The following SV2C variants were observed in gnomAD, a reference collection of about 807,000 sequenced individuals.
SV2C encodes synaptic vesicle glycoprotein 2C.
Under a neutral mutation model 79.7 loss-of-function variants are expected in SV2C, and 49 were observed. The ratio of observed to expected loss-of-function variants is 0.61; its 90% CI spans 0.49 to 0.78. The LOEUF (loss-of-function observed/expected upper bound fraction) is 0.78. SV2C is among the 30% of genes least tolerant of loss of function. The pLI is 0.00. For synonymous variants in SV2C, 334 were observed against 333.2 expected (o/e 1.00, Z -0.03); for missense variants, 833 against 912.9 (o/e 0.91, Z 1.13).
At chr5:76,026,201 A>AAAACACACACAC in the SV2C span, among the ~76,000 whole-genome samples, 1 of 140,034 alleles carries the variant, frequency 7.1e-6, no homozygotes, top group African/African-American at 2.7e-5. Flanking sequence ...CAAATTTACA[A>AAAACACACACAC]ACACACACAC....
the SV2C span, among the ~76,000 whole-genome samples, chr5:75,940,828 T>C: frequency 5.3e-5 from 8 of 152,188 alleles, no homozygotes; most frequent in African/African-American, 1.9e-4. Context: ...ATAAATGAAG[T>C]AGATAACCCT....
chr5:76,064,573 T>C, the SV2C span, among the ~76,000 whole-genome samples: 1 of 152,138 alleles, frequency 6.6e-6, no homozygotes, highest in Non-Finnish European at 1.5e-5. Flanking sequence ...TTGTGGGGTA[T>C]TGTGTTAGGT....
At chr5:76,130,415 G>C (rs189831365) in intron 1 of SV2C, among the ~76,000 whole-genome samples, 1 of 152,230 alleles carries the variant, frequency 6.6e-6, no homozygotes, top group East Asian at 1.9e-4. Flanking sequence ...GCATTTGGAG[G>C]AGTAATTAAA....
At chr5:76,155,686 T>C (rs1368792164) in intron 2 of SV2C, among the ~76,000 whole-genome samples, 1 of 152,052 alleles carries the variant, frequency 6.6e-6, no homozygotes, top group Non-Finnish European at 1.5e-5. Context: ...TTGAAAGCTG[T>C]GGTTTCTCAC....
At chr5:76,295,728 C>T (rs1302790267) in intron 8 of SV2C, 50 bp from the exon 9 acceptor site, 3 of 1,567,830 alleles carry the variant, frequency 1.9e-6, no homozygotes, top group Non-Finnish European at 1.7e-6. Context: ...TTGCTCATTG[C>T]CTCTGGCATG....
the SV2C span, among the ~76,000 whole-genome samples, chr5:76,023,058 T>C: frequency 6.6e-6 from 1 of 152,250 alleles, no homozygotes; most frequent in Non-Finnish European, 1.5e-5. Flanking sequence ...CAACTAACTG[T>C]ACTTTTATAG....
At chr5:76,308,702 G>T (rs565405284) in intron 12 of SV2C, among the ~76,000 whole-genome samples, 6 of 152,094 alleles carry the variant, frequency 3.9e-5, no homozygotes, top group African/African-American at 9.7e-5. Context: ...GAAGGCAAAC[G>T]CAGGGAACTC....
At chr5:75,899,968 G>A in the SV2C span, among the ~76,000 whole-genome samples, 1 of 152,128 alleles carries the variant, frequency 6.6e-6, no homozygotes, top group African/African-American at 2.4e-5. Flanking sequence ...GTCTCTGCAT[G>A]TGAGGCGGGT....
At chr5:76,038,630 A>T in the SV2C span, among the ~76,000 whole-genome samples, 3 of 152,254 alleles carry the variant, frequency 2.0e-5, no homozygotes, top group East Asian at 5.8e-4. Flanking sequence ...GCCACTCATT[A>T]TTCACTAAAA....
the SV2C span, among the ~76,000 whole-genome samples, chr5:76,038,452 C>T: frequency 7.2e-5 from 11 of 152,186 alleles, no homozygotes; most frequent in African/African-American, 2.7e-4. Flanking sequence ...GTGTGTATCA[C>T]TTAACTTCTA....
chr5:75,862,945 G>A, the SV2C span, among the ~76,000 whole-genome samples: 1,599 of 152,252 alleles, frequency 0.011, 22 homozygotes, highest in African/African-American at 0.035. Context: ...ATCACGGAAC[G>A]GGGAGCATAT....
chr5:76,301,908 CAAAAA>C (rs11436839), intron 12 of SV2C, among the ~76,000 whole-genome samples: 1 of 41,410 alleles, frequency 2.4e-5, no homozygotes, highest in African/African-American at 9.5e-5. Context: ...GACACCATCT[CAAAAA>C]AAAAAAAAAA....
the SV2C span, among the ~76,000 whole-genome samples, chr5:76,037,329 T>C: frequency 4.6e-5 from 7 of 152,260 alleles, no homozygotes; most frequent in African/African-American, 1.7e-4. Flanking sequence ...CTCTGCTTTT[T>C]AGAGTTTCCA....
intron 1 of SV2C, among the ~76,000 whole-genome samples, chr5:76,119,198 T>C (rs1054925554): frequency 2.0e-5 from 3 of 152,178 alleles, no homozygotes; most frequent in Non-Finnish European, 4.4e-5. Context: ...CATGAGGACA[T>C]TTTCAATATA....
At chr5:76,013,086 G>A in the SV2C span, among the ~76,000 whole-genome samples, 7 of 152,026 alleles carry the variant, frequency 4.6e-5, no homozygotes, top group African/African-American at 1.4e-4. Context: ...TTGGCTATAC[G>A]GGCTCTTTTT....
At chr5:75,935,371 C>T in the SV2C span, among the ~76,000 whole-genome samples, 1 of 151,958 alleles carries the variant, frequency 6.6e-6, no homozygotes, top group Non-Finnish European at 1.5e-5. Context: ...TAATAAGTAC[C>T]TGCTTTTGAA....
intron 3 of SV2C, among the ~76,000 whole-genome samples, chr5:76,199,042 T>C (rs564220343): frequency 6.6e-6 from 1 of 152,360 alleles, no homozygotes; most frequent in South Asian, 2.1e-4. Flanking sequence ...AGAAAATTTC[T>C]ATTTCAATGA....
At chr5:76,019,581 A>G in the SV2C span, among the ~76,000 whole-genome samples, 3 of 152,148 alleles carry the variant, frequency 2.0e-5, no homozygotes, top group Non-Finnish European at 4.4e-5. Context: ...TCAAAATTGG[A>G]TATTTCTTGC....
chr5:76,174,196 T>C (rs1298923104), intron 2 of SV2C: 1 of 1,611,986 alleles, frequency 6.2e-7, no homozygotes, highest in Non-Finnish European at 8.5e-7. Flanking sequence ...TGCAAGCTTG[T>C]CAAAACCTAG....
Sources: gnomAD v4.1 joint callset for allele counts (sites outside exome capture counted in the v4.1 genomes callset) on GRCh38, gnomAD v4.1.1 for gene constraint, MANE v1.5 for transcripts, NCBI Gene and HGNC (gene_info 2026-07-23, HGNC 2026-07-21) for gene names.